The following ABCC12 variants were observed in gnomAD, a reference collection of about 807,000 sequenced individuals.
ABCC12 encodes the protein ATP binding cassette subfamily C member 12, also known as ATP-binding cassette sub-family C member 12.
ABCC12 carries 142 observed loss-of-function variants against 151.1 expected under a neutral mutation model. The ratio of observed to expected loss-of-function variants is 0.94; its 90% CI spans 0.82 to 1.08. The LOEUF is 1.08. Ranked by LOEUF, ABCC12 falls within the 50% of genes least tolerant of loss-of-function variation. The pLI is 0.00. For missense variants in ABCC12, 1,638 were observed against 1,691.1 expected (o/e 0.97, Z 0.55); for synonymous variants, 645 against 646.4 (o/e 1.00, Z 0.03).
Position 48,105,248 on chromosome 16 carries a change from T to G in ABCC12, c.2564A>C (p.Tyr855Ser), listed in dbSNP as rs1963451129. Reference sequence around the variant, plus strand: ...CAGCATGAACACCATGCTTGCAGTGTACACCCACTGGTACACATGCTGACC... The same window carrying G: ...CAGCATGAACACCATGCTTGCAGTGGACACCCACTGGTACACATGCTGACC... ...DIGQHVYQWV[Y>S]TASMVFMLVF... The change falls in exon 21 of 31, where the codon TAC (tyrosine) becomes TCC (serine). Residue 855 changes from tyrosine to serine, a missense_variant. Coordinates refer to ENST00000311303, the MANE Select transcript of ABCC12 (RefSeq NM_001393797.1). 1.2e-6 allele frequency: 2 copies of G among 1,613,994 alleles called. No homozygotes were observed. Among genetic ancestry groups the G allele is most frequent in the South Asian group, 2.2e-5 (2 of 91,070 alleles).
At chr16:48,100,123 C>A (rs1449883003) in intron 23 of ABCC12, among the ~76,000 whole-genome samples, 3 of 152,198 alleles carry the variant, frequency 2.0e-5, no homozygotes, top group East Asian at 3.9e-4. Context: ...CCACACCCAG[C>A]TAATTTTTGT....
intron 12 of ABCC12, among the ~76,000 whole-genome samples, chr16:48,123,872 C>G (rs1291641335): frequency 6.6e-6 from 1 of 152,234 alleles, no homozygotes; most frequent in Non-Finnish European, 1.5e-5. Context: ...CACCAAGCTG[C>G]CTTGCTGGCA....
chr16:48,142,018 A>G (rs908950060), intron 4 of ABCC12, among the ~76,000 whole-genome samples: 4 of 152,216 alleles, frequency 2.6e-5, no homozygotes, highest in Non-Finnish European at 5.9e-5. Flanking sequence ...CAGTGGAATT[A>G]AAGAAAAGTG....
At chr16:48,155,460 AG>A (rs1273671229) in intron 1 of ABCC12, among the ~76,000 whole-genome samples, 42 of 149,052 alleles carry the variant, frequency 2.8e-4, no homozygotes, top group African/African-American at 1.0e-3. Context: ...TTTGGGGGGG[AG>A]GTATAAATCC....
chr16:48,104,513 AG>A lies in ABCC12; in HGVS notation c.2674-146del, dbSNP rs1963419157. Reference sequence around the variant, plus strand: ...TGTGTCAGGTGATCTTGGGAAAGGGAGGATGCACCCCATTCTTGCGGCCACC... The same window carrying A: ...TGTGTCAGGTGATCTTGGGAAAGGGAGATGCACCCCATTCTTGCGGCCACC... On this transcript the variant is annotated intron_variant, in intron 21 of 30. Coordinates refer to ENST00000311303, the MANE Select transcript of ABCC12 (RefSeq NM_001393797.1). 7.2e-6 allele frequency: 5 copies of A among 694,872 alleles called. No individual in the cohort carries two copies. In the South Asian group the frequency reaches 9.2e-5, roughly 13 times the overall value. The allele number at this position is 694,872 out of a possible 1,614,324, so 43.0% of individuals were successfully genotyped here.
At chr16:48,114,841 C>T (rs776880746) in intron 15 of ABCC12, among the ~76,000 whole-genome samples, 1 of 152,196 alleles carries the variant, frequency 6.6e-6, no homozygotes, top group Admixed American at 6.5e-5. Context: ...CAAGCCCAGT[C>T]GCTTTCTTCA....
At chr16:48,111,969 C>A in intron 15 of ABCC12, 59 bp from the exon 16 acceptor site, 1 of 1,577,950 alleles carries the variant, frequency 6.3e-7, no homozygotes, top group Non-Finnish European at 8.6e-7. Context: ...CCATGCCAAA[C>A]TCCTCTCCAA....
In ABCC12 at chr16:48,133,103, AT is replaced by A. The variant is rs200279580; in HGVS notation, c.1128+583del. ...ACAGCCAACTGCTTGTTTGGTTTCC[AT>A]TTTTTTTTCCACACTTAAAATTGCA... On this transcript the variant is annotated intron_variant, in intron 9 of 30. Coordinates refer to ENST00000311303, the MANE Select transcript of ABCC12 (RefSeq NM_001393797.1). 5.9e-4 allele frequency among the ~76,000 whole-genome samples: 89 copies of A among 150,894 alleles called. 4 individuals carry two copies. The highest frequency in any genetic ancestry group is 1.9e-3 in the African/African-American group (80 of 41,128).
chr16:48,126,760 T>C (rs979238449), intron 11 of ABCC12, among the ~76,000 whole-genome samples: 1 of 152,156 alleles, frequency 6.6e-6, no homozygotes, highest in Admixed American at 6.6e-5. Flanking sequence ...TCCAGAGGCA[T>C]TGCATTGCCC....
Position 48,088,602 on chromosome 16 carries a change from G to T in ABCC12, c.3418C>A (p.Leu1140Met), listed in dbSNP as rs1962732114. Reference protein sequence around the residue: ...RDNTPLVLDSLNLNIQSGQTV... With the variant: ...RDNTPLVLDSMNLNIQSGQTV... Reference sequence around the variant, plus strand: ...TGCCCACTTTGTATGTTCAAGTTCAGGCTGTCGAGAACAAGGGGGGTGTTG... The same window carrying T: ...TGCCCACTTTGTATGTTCAAGTTCATGCTGTCGAGAACAAGGGGGGTGTTG... The change falls in exon 26 of 31, where the codon CTG becomes ATG. Residue 1140 changes from leucine to methionine, a missense_variant. By Grantham distance (15) the Leu-to-Met change is conservative. Coordinates refer to ENST00000311303, the MANE Select transcript of ABCC12 (RefSeq NM_001393797.1). 2.5e-6 allele frequency: 4 copies of T among 1,614,240 alleles called. No individual in the cohort carries two copies.
chr16:48,119,604 T>C (rs1400226979), intron 13 of ABCC12, among the ~76,000 whole-genome samples: 3 of 152,234 alleles, frequency 2.0e-5, no homozygotes, highest in East Asian at 3.9e-4. Context: ...CAGGACGGCA[T>C]GGCCGGGGAA....
At chr16:48,114,088 G>T (rs998550447) in intron 15 of ABCC12, among the ~76,000 whole-genome samples, 1 of 152,172 alleles carries the variant, frequency 6.6e-6, no homozygotes, top group South Asian at 2.1e-4. Flanking sequence ...AGAAGAACTA[G>T]GCCAGAAGAA....
intron 13 of ABCC12, among the ~76,000 whole-genome samples, chr16:48,119,380 G>A (rs898947083): frequency 6.6e-6 from 1 of 152,202 alleles, no homozygotes; most frequent in African/African-American, 2.4e-5. Flanking sequence ...CTTTCCCCAT[G>A]TGCCCTGCAT....
At chr16:48,152,971 C>A (rs1005100275) in intron 2 of ABCC12, among the ~76,000 whole-genome samples, 3 of 152,216 alleles carry the variant, frequency 2.0e-5, no homozygotes, top group Non-Finnish European at 4.4e-5. Context: ...CTATAAAGAA[C>A]ATTATTGGCC....
chr16:48,091,064 G>T (rs1962864208), intron 25 of ABCC12, 56 bp downstream of exon 25: 2 of 1,535,492 alleles, frequency 1.3e-6, no homozygotes, highest in African/African-American at 1.4e-5. Context: ...TCCAGTATTT[G>T]CCCAAGTCCT....
chr16:48,096,103 C>T (rs965140760), intron 24 of ABCC12, among the ~76,000 whole-genome samples: 1 of 152,116 alleles, frequency 6.6e-6, no homozygotes, highest in African/African-American at 2.4e-5. Flanking sequence ...AAAGACAGGG[C>T]CTGAAGCCAA....
intron 2 of ABCC12, among the ~76,000 whole-genome samples, chr16:48,147,085 AC>A (rs1364110141): frequency 6.6e-6 from 1 of 151,324 alleles, no homozygotes; most frequent in Non-Finnish European, 1.5e-5. Flanking sequence ...CAACAACACC[AC>A]CCCTCAGGAC....
intron 27 of ABCC12, 92 bp from the exon 28 acceptor site, chr16:48,086,911 G>T: frequency 9.4e-7 from 1 of 1,062,018 alleles, no homozygotes; most frequent in Non-Finnish European, 1.4e-6. Context: ...GTGGAGGAGG[G>T]TAGGAGGTGG....
intron 13 of ABCC12, among the ~76,000 whole-genome samples, chr16:48,119,854 C>T (rs189700610): frequency 4.6e-5 from 7 of 152,334 alleles, no homozygotes; most frequent in Admixed American, 6.5e-5. Context: ...TGGAGCTCAA[C>T]GTCTAAGTCC....
Sources: gnomAD v4.1 joint callset for allele counts (sites outside exome capture counted in the v4.1 genomes callset) on GRCh38, gnomAD v4.1.1 for gene constraint, MANE v1.5 for transcripts, NCBI Gene and HGNC (gene_info 2026-07-23, HGNC 2026-07-21) for gene names.